The following ENOX1 variants were observed in gnomAD, a reference collection of about 807,000 sequenced individuals.
The protein encoded by ENOX1 is candidate growth-related and time keeping constitutive hydroquinone (NADH) oxidase.
Under a neutral mutation model 82.5 loss-of-function variants are expected in ENOX1, and 42 were observed. The observed-to-expected ratio is 0.51, with a 90% CI of 0.40 to 0.66. The LOEUF (loss-of-function observed/expected upper bound fraction) is 0.66, where lower values mean the gene tolerates loss of function less well. Among genes scored for constraint, ENOX1 ranks in the 30% least tolerant of loss-of-function variants. The probability of loss-of-function intolerance (pLI) is 0.00; values close to 1 mark genes in which losing one functional copy is unlikely to be tolerated. For missense variants in ENOX1, 608 were observed against 811.6 expected (o/e 0.75, Z 3.05); for synonymous variants, 271 against 282.2 (o/e 0.96, Z 0.40).
chr13:43,417,242 C>CAGGAGACGGAGAGGGAGAGGGAGA (rs1555267014), intron 3 of ENOX1, among the ~76,000 whole-genome samples: 1 of 82,772 alleles, frequency 1.2e-5, no homozygotes, highest in Non-Finnish European at 2.4e-5. Context: ...AGACGGGAGA[C>CAGGAGACGGAGAGGGAGAGGGAGA]GGGAGAGGGA....
intron 3 of ENOX1, among the ~76,000 whole-genome samples, chr13:43,417,557 A>G (rs1433978916): frequency 6.6e-6 from 1 of 152,250 alleles, no homozygotes; most frequent in East Asian, 1.9e-4. Flanking sequence ...ATTCAAGACC[A>G]TAATGCCTAA....
rs1404207491 is a variant in ENOX1, at chr13:43,322,447, TTTC to T, written c.1195_1197del (p.Glu399del). On this transcript the variant is annotated inframe_deletion, in exon 11 of 17. Coordinates refer to ENST00000690772, the MANE Select transcript of ENOX1 (RefSeq NM_001347969.2). The stretch of plus-strand genomic sequence containing the variant: ...CAGTTCTCATCATCAGACATTTCCA[TTTC>T]TTCTTCGCGGCGGATGCCCATGAGC... 6.2e-7 allele frequency: 1 copy of T among 1,614,128 alleles called. No homozygotes were observed. The highest frequency in any genetic ancestry group is 8.5e-7 in the Non-Finnish European group (1 of 1,179,964).
chr13:43,723,307 C>CA (rs1182251319), intron 1 of ENOX1, among the ~76,000 whole-genome samples: 1 of 152,154 alleles, frequency 6.6e-6, no homozygotes. Context: ...GGACACTGCT[C>CA]ACTTCCCCAC....
intron 14 of ENOX1, among the ~76,000 whole-genome samples, chr13:43,255,495 TTGTTC>T (rs2153473040): frequency 6.6e-6 from 1 of 152,242 alleles, no homozygotes; most frequent in South Asian, 2.1e-4. Flanking sequence ...CAAATTAGCC[TTGTTC>T]ACAGATGACA....
intron 5 of ENOX1, among the ~76,000 whole-genome samples, chr13:43,366,231 G>A (rs908030233): frequency 6.6e-5 from 10 of 151,504 alleles, no homozygotes; most frequent in African/African-American, 2.4e-4. Context: ...TAAAAAAGGT[G>A]ATCTTAAAGT....
chr13:43,228,713 G>A (rs1176869489), intron 15 of ENOX1, among the ~76,000 whole-genome samples: 1 of 152,206 alleles, frequency 6.6e-6, no homozygotes, highest in Non-Finnish European at 1.5e-5. Context: ...GAAACACTTA[G>A]CAGCCAGGAG....
chr13:43,696,055 G>A (rs1029236147), intron 1 of ENOX1, among the ~76,000 whole-genome samples: 28 of 152,104 alleles, frequency 1.8e-4, no homozygotes, highest in African/African-American at 6.5e-4. Context: ...GTAGCCTTTT[G>A]TGACTAGCTT....
chr13:43,523,229 T>C (rs1299583596), intron 2 of ENOX1, among the ~76,000 whole-genome samples: 1 of 152,168 alleles, frequency 6.6e-6, no homozygotes, highest in East Asian at 1.9e-4. Context: ...CCAAGTTCCT[T>C]GAACCTAACC....
intron 1 of ENOX1, among the ~76,000 whole-genome samples, chr13:43,674,357 G>A (rs1217571704): frequency 6.6e-6 from 1 of 152,180 alleles, no homozygotes; most frequent in African/African-American, 2.4e-5. Context: ...GGTGATGAGA[G>A]GCTAGAAAAA....
At chr13:43,551,180 T>G (rs1421424122) in intron 2 of ENOX1, among the ~76,000 whole-genome samples, 2 of 152,224 alleles carry the variant, frequency 1.3e-5, no homozygotes, top group Non-Finnish European at 2.9e-5. Flanking sequence ...TTTCCAAGTA[T>G]AGCATACCTA....
At chr13:43,724,348 T>C (rs2088788817) in intron 1 of ENOX1, among the ~76,000 whole-genome samples, 3 of 152,232 alleles carry the variant, frequency 2.0e-5, no homozygotes, top group Admixed American at 6.5e-5. Flanking sequence ...CTGTCTTCTA[T>C]GTGCTCTACC....
At chr13:43,672,766 T>C (rs1007561804) in intron 1 of ENOX1, among the ~76,000 whole-genome samples, 3 of 152,206 alleles carry the variant, frequency 2.0e-5, no homozygotes, top group African/African-American at 7.2e-5. Flanking sequence ...AGATCTCCAA[T>C]ATAAATTTCC....
chr13:43,261,694 A>G (rs1277620765), intron 14 of ENOX1, among the ~76,000 whole-genome samples: 1 of 151,052 alleles, frequency 6.6e-6, no homozygotes, highest in Non-Finnish European at 1.5e-5. Context: ...TTGTAGGGAC[A>G]TGGATGAAAT....
At chr13:43,669,804 T>C (rs2085168704) in intron 1 of ENOX1, among the ~76,000 whole-genome samples, 1 of 152,284 alleles carries the variant, frequency 6.6e-6, no homozygotes, top group South Asian at 2.1e-4. Flanking sequence ...CACTGCCAGG[T>C]CAATGATTGA....
intron 3 of ENOX1, among the ~76,000 whole-genome samples, chr13:43,417,041 T>G (rs1370288530): frequency 6.6e-6 from 1 of 152,150 alleles, no homozygotes; most frequent in East Asian, 1.9e-4. Flanking sequence ...AAACCCTGTC[T>G]CCACCAAAAA....
chr13:43,397,689 G>A (rs2053238212), intron 5 of ENOX1, among the ~76,000 whole-genome samples: 1 of 152,158 alleles, frequency 6.6e-6, no homozygotes, highest in South Asian at 2.1e-4. Flanking sequence ...TATCTTCTAT[G>A]ATAGATAGCA....
At chr13:43,230,380 G>C (rs1229136719) in intron 15 of ENOX1, among the ~76,000 whole-genome samples, 1 of 152,096 alleles carries the variant, frequency 6.6e-6, no homozygotes, top group African/African-American at 2.4e-5. Context: ...TTTGGACAGG[G>C]GCAGGAAATG....
chr13:43,723,084 C>G (rs1007474445), intron 1 of ENOX1, among the ~76,000 whole-genome samples: 2 of 152,216 alleles, frequency 1.3e-5, no homozygotes, highest in Non-Finnish European at 2.9e-5. Flanking sequence ...ACTAGGGGCT[C>G]TAGAGCTCTC....
intron 1 of ENOX1, among the ~76,000 whole-genome samples, chr13:43,742,290 A>G (rs1366514490): frequency 2.0e-5 from 3 of 152,046 alleles, no homozygotes; most frequent in Non-Finnish European, 2.9e-5. Context: ...TAACAATCCA[A>G]ATCTGAAGGG....
Sources: allele counts gnomAD v4.1 joint callset (sites outside exome capture counted in the v4.1 genomes callset), GRCh38; gene constraint gnomAD v4.1.1; transcripts MANE v1.5; gene names NCBI Gene and HGNC (gene_info 2026-07-23, HGNC 2026-07-21).